Variants in TXNL1 observed in about 807,000 individuals in gnomAD.
The protein encoded by TXNL1 is thioredoxin-like protein 1.
TXNL1 carries 14 observed loss-of-function variants against 35.5 expected under a neutral mutation model. That is an observed-to-expected ratio of 0.39 (90% CI 0.26 to 0.62). The LOEUF is 0.62. Among genes scored for constraint, TXNL1 ranks in the 20% least tolerant of loss-of-function variants. The probability of loss-of-function intolerance (pLI) is 0.47; values close to 1 mark genes in which losing one functional copy is unlikely to be tolerated. For synonymous variants in TXNL1, 110 were observed against 115.5 expected, an observed-to-expected ratio of 0.95 and a Z score of 0.31; for missense variants, 263 against 349.7, an observed-to-expected ratio of 0.75 and a Z score of 1.98.
chr18:56,626,560 T>C, intron 1 of TXNL1, 103 bp from the exon 2 acceptor site: 3 of 1,042,020 alleles, frequency 2.9e-6, no homozygotes, highest in Non-Finnish European at 4.2e-6. Flanking sequence ...CTGCTGGCTT[T>C]TGACTCTCTG....
chr18:56,633,619 CAAAAAAA>C (rs58501408), intron 1 of TXNL1, among the ~76,000 whole-genome samples: 1 of 91,072 alleles, frequency 1.1e-5, no homozygotes, highest in Non-Finnish European at 2.2e-5. Flanking sequence ...GACCCTGTCT[CAAAAAAA>C]AAAAAAAAAA....
At chr18:56,623,475 T>A (rs769760399) in intron 3 of TXNL1, among the ~76,000 whole-genome samples, 26 of 152,268 alleles carry the variant, frequency 1.7e-4, no homozygotes, top group Non-Finnish European at 2.8e-4. Flanking sequence ...TAACTTTTTT[T>A]AAAATTCATT....
intron 2 of TXNL1, among the ~76,000 whole-genome samples, chr18:56,624,913 A>G (rs1441697249): frequency 6.6e-6 from 1 of 152,228 alleles, no homozygotes; most frequent in Non-Finnish European, 1.5e-5. Flanking sequence ...TGTATTTTGC[A>G]CTGCAACCGT....
chr18:56,600,036 T>C lies in TXNL1; in HGVS notation c.*2991A>G, dbSNP rs1346135866. On this transcript the variant is annotated 3_prime_UTR_variant, in exon 8 of 8. Coordinates refer to ENST00000217515, the MANE Select transcript of TXNL1 (RefSeq NM_004786.3). ...TCATGTTTTTAAAGCTTACAAAGGG[T>C]GTAACTAATTTATTCAACTCCAACA... 1 of 152,124 alleles carries C rather than the reference T, an allele frequency of 6.6e-6. No homozygotes were observed. The highest frequency in any genetic ancestry group is 1.5e-5 in the Non-Finnish European group (1 of 68,014). 9.4% of individuals were successfully genotyped at this position (152,124 alleles called of 1,614,324 possible).
intron 1 of TXNL1, among the ~76,000 whole-genome samples, chr18:56,636,512 T>C (rs1283036006): frequency 6.6e-6 from 1 of 152,206 alleles, no homozygotes; most frequent in Non-Finnish European, 1.5e-5. Flanking sequence ...GTAATATAAA[T>C]ATGCTTTTGA....
chr18:56,612,874 A>C (rs1297101091), intron 6 of TXNL1, among the ~76,000 whole-genome samples: 1 of 151,916 alleles, frequency 6.6e-6, no homozygotes, highest in Non-Finnish European at 1.5e-5. Flanking sequence ...ACTTGATTAT[A>C]ATTTTTTTTT....
intron 1 of TXNL1, 55 bp downstream of exon 1, chr18:56,638,287 GA>G: frequency 6.6e-7 from 1 of 1,526,452 alleles, no homozygotes; most frequent in Non-Finnish European, 8.9e-7. Flanking sequence ...AACAAAGAGT[GA>G]AAGGAAAGCA....
At chr18:56,636,789 G>C (rs377324510) in intron 1 of TXNL1, among the ~76,000 whole-genome samples, 1 of 152,084 alleles carries the variant, frequency 6.6e-6, no homozygotes, top group Non-Finnish European at 1.5e-5. Flanking sequence ...ATATCATTGA[G>C]GGACAAAAAT....
In TXNL1 at chr18:56,614,565, G is replaced by A. The variant is rs765319364; in HGVS notation, c.594C>T (p.Ile198=). 6.2e-7 allele frequency: 1 copy of A among 1,613,406 alleles called. No homozygotes were observed. The highest frequency in any genetic ancestry group is 1.1e-5 in the South Asian group (1 of 90,982). The change falls in exon 6 of 8, where the codon ATC becomes ATT. Residue 198 remains isoleucine, a synonymous_variant. Transcript: ENST00000217515. The part of the protein sequence containing the change: ...GQGPKYVKIF[I]NLPRSMDFEE... ...CAAAATCCATAGATCGGGGTAGGTT[G>A]ATAAAAATTTTTACATATTTAGGGC...
Position 56,599,612 on chromosome 18 carries a change from G to C in TXNL1, c.*3415C>G, listed in dbSNP as rs1050638456. On this transcript the variant is annotated 3_prime_UTR_variant, in exon 8 of 8. Coordinates refer to ENST00000217515, the MANE Select transcript of TXNL1 (RefSeq NM_004786.3). Reference sequence around the variant, plus strand: ...GTCTCACTCTGTTGCCCGGGCTAGTGTGCAGTCATGCGATCTTGGCTCACT... The same window carrying C: ...GTCTCACTCTGTTGCCCGGGCTAGTCTGCAGTCATGCGATCTTGGCTCACT... 4 of 150,290 alleles carry C rather than the reference G, an allele frequency of 2.7e-5. No homozygotes were observed. Among genetic ancestry groups the C allele is most frequent in the Non-Finnish European group, 4.4e-5 (3 of 67,808 alleles). 9.3% of individuals were successfully genotyped at this position (150,290 alleles called of 1,614,324 possible).
Position 56,597,545 on chromosome 18 carries a change from T to G in TXNL1, c.*5482A>C, listed in dbSNP as rs990299166. On this transcript the variant is annotated 3_prime_UTR_variant, in exon 8 of 8. Coordinates refer to ENST00000217515, the MANE Select transcript of TXNL1 (RefSeq NM_004786.3). Reference sequence around the variant, plus strand: ...CCCTCTTGGATTCATTAACACTACTTTATTACCACCTCCTGTTTTTCCTCC... The same window carrying G: ...CCCTCTTGGATTCATTAACACTACTGTATTACCACCTCCTGTTTTTCCTCC... 1.3e-5 allele frequency: 2 copies of G among 152,210 alleles called. No individual in the cohort carries two copies. The highest frequency in any genetic ancestry group is 1.3e-4 in the Admixed American group (2 of 15,270). 9.4% of individuals were successfully genotyped at this position (152,210 alleles called of 1,614,324 possible).
chr18:56,605,438 C>T (rs1196451326), intron 7 of TXNL1, among the ~76,000 whole-genome samples: 3 of 152,078 alleles, frequency 2.0e-5, no homozygotes, highest in African/African-American at 2.4e-5. Flanking sequence ...GGTGAATGGC[C>T]AGTTTAGAAA....
chr18:56,612,174 TC>T (rs2024007699), intron 6 of TXNL1, among the ~76,000 whole-genome samples: 1 of 151,674 alleles, frequency 6.6e-6, no homozygotes, highest in African/African-American at 2.4e-5. Context: ...GCAATTAAAT[TC>T]TTTATAGAGA....
chr18:56,616,147 GA>G (rs1271716378), intron 5 of TXNL1, 97 bp downstream of exon 5: 4 of 872,522 alleles, frequency 4.6e-6, no homozygotes, highest in Non-Finnish European at 6.6e-6. Context: ...AAAAAAAAAA[GA>G]AAAAACAAGT....
chr18:56,627,905 A>AAGATT (rs775876741), intron 1 of TXNL1, among the ~76,000 whole-genome samples: 3 of 152,116 alleles, frequency 2.0e-5, no homozygotes, highest in Non-Finnish European at 4.4e-5. Flanking sequence ...GATAAACTGG[A>AAGATT]AGATTAAAAC....
At chr18:56,636,839 A>G (rs1188712696) in intron 1 of TXNL1, among the ~76,000 whole-genome samples, 1 of 151,888 alleles carries the variant, frequency 6.6e-6, no homozygotes, top group Non-Finnish European at 1.5e-5. Context: ...TAAGTGAACT[A>G]AAAGTGAGGT....
At chr18:56,626,714 C>G (rs2024286740) in intron 1 of TXNL1, among the ~76,000 whole-genome samples, 1 of 148,028 alleles carries the variant, frequency 6.8e-6, no homozygotes, top group Non-Finnish European at 1.5e-5. Context: ...CCAGGCTGGT[C>G]TCGAACTCCT....
rs192174690 is a variant in TXNL1 at position 56,604,947 on chromosome 18, T to C, written c.841-1891A>G. ...GATTAAAACTATTCAACTAGTTAAA[T>C]CTAAAACATTTTATAACAATTTAAT... On this transcript the variant is annotated intron_variant, in intron 7 of 7. Coordinates refer to ENST00000217515, the MANE Select transcript of TXNL1 (RefSeq NM_004786.3). Among the ~76,000 whole-genome samples the C allele has an allele frequency of 5.9e-5, 9 of 151,830 alleles. 1 individual carries two copies. In the East Asian group the frequency reaches 1.7e-3, roughly 29 times the overall value.
intron 5 of TXNL1, among the ~76,000 whole-genome samples, 195 bp downstream of exon 5, chr18:56,616,050 T>C (rs1476058664): frequency 6.6e-6 from 1 of 151,112 alleles, no homozygotes; most frequent in East Asian, 1.9e-4. Flanking sequence ...GAGAATCACT[T>C]GAACCCAGGA....
Sources: gnomAD v4.1 joint callset for allele counts (sites outside exome capture counted in the v4.1 genomes callset) on GRCh38, gnomAD v4.1.1 for gene constraint, MANE v1.5 for transcripts, NCBI Gene and HGNC (gene_info 2026-07-23, HGNC 2026-07-21) for gene names.